The following UBE2W variants were observed in gnomAD, a reference collection of about 807,000 sequenced individuals.
UBE2W encodes the protein ubiquitin-conjugating enzyme E2 W.
Under a neutral mutation model 27.2 loss-of-function variants are expected in UBE2W, and 18 were observed. That is an observed-to-expected ratio of 0.66 (90% CI 0.46 to 0.98). UBE2W has a LOEUF of 0.98. Ranked by LOEUF, UBE2W falls within the 50% of genes least tolerant of loss-of-function variation. UBE2W has a pLI of 0.00. For missense variants in UBE2W, 90 were observed against 180.2 expected (o/e 0.50, Z 2.87); for synonymous variants, 53 against 57.2 (o/e 0.93, Z 0.33).
intron 1 of UBE2W, among the ~76,000 whole-genome samples, chr8:73,861,270 C>T (rs747935251): frequency 2.0e-5 from 3 of 152,098 alleles, no homozygotes; most frequent in African/African-American, 7.2e-5. Context: ...CAGGGGCCAG[C>T]GTCAAACAAC....
chr8:73,783,703 A>G (rs1168544369), downstream of UBE2W, among the ~76,000 whole-genome samples: 4 of 152,200 alleles, frequency 2.6e-5, no homozygotes, highest in African/African-American at 9.7e-5. Context: ...TAATTTGTCC[A>G]AAGTGCAAAT....
rs1808268724 is a variant in UBE2W at position 73,793,073 on chromosome 8, A to C, written c.*1029T>G. 1 of 985,592 alleles carries C rather than the reference A, an allele frequency of 1.0e-6. No homozygotes were observed. The highest frequency in any genetic ancestry group is 1.2e-6 in the Non-Finnish European group (1 of 829,774). 61.1% of individuals were successfully genotyped at this position (985,592 alleles called of 1,614,324 possible). The stretch of plus-strand genomic sequence containing the variant: ...CAAGAAAAAACTTAACAAAAGTTTC[A>C]ATAAAAGTATTGTAACATTCAAACT... On this transcript the variant is annotated 3_prime_UTR_variant, in exon 6 of 6. Transcript: ENST00000602593.
intron 5 of UBE2W, among the ~76,000 whole-genome samples, chr8:73,797,768 T>C (rs770545729): frequency 6.6e-6 from 1 of 152,246 alleles, no homozygotes; most frequent in Non-Finnish European, 1.5e-5. Context: ...CAGACTCATT[T>C]TGTTGGATAT....
At chr8:73,803,813 C>T (rs1243770250) in intron 5 of UBE2W, among the ~76,000 whole-genome samples, 1 of 149,828 alleles carries the variant, frequency 6.7e-6, no homozygotes, top group Non-Finnish European at 1.5e-5. Context: ...GTCGCCCAGG[C>T]TGGAGTGCAG....
chr8:73,789,941 G>T lies in UBE2W; in HGVS notation c.*4161C>A, dbSNP rs1162645948. The T allele has an allele frequency of 1.0e-6, 1 of 983,720 alleles. No homozygotes were observed. Among genetic ancestry groups the T allele is most frequent in the Non-Finnish European group, 1.2e-6 (1 of 828,588 alleles). 60.9% of individuals were successfully genotyped at this position (983,720 alleles called of 1,614,324 possible). A position where few individuals can be genotyped will look rare whatever the true frequency, so the allele number is the denominator to read the frequency against. On this transcript the variant is annotated 3_prime_UTR_variant, in exon 6 of 6. Transcript: ENST00000602593. The stretch of plus-strand genomic sequence containing the variant: ...AATAATTTGCTTGGACAATAATTTG[G>T]CTTTGGGAGAGTCCTCATCCGAAAA...
In UBE2W at chr8:73,842,807, T is replaced by C. The variant is rs563796991; in HGVS notation, c.16-12335A>G. Among the ~76,000 whole-genome samples, 18 of 152,238 alleles carry C rather than the reference T, an allele frequency of 1.2e-4. No individual in the cohort carries two copies. The South Asian group carries it at 1.2e-3, about 11-fold the overall frequency. On this transcript the variant is annotated intron_variant, in intron 1 of 5. Coordinates refer to ENST00000602593, the MANE Select transcript of UBE2W (RefSeq NM_018299.6). ...ATATTATTTGGCTGTTTTACAAAAA[T>C]GTAGAAGTGTATTTTTTGTATAATT...
chr8:73,829,533 A>G (rs942233706), intron 2 of UBE2W, among the ~76,000 whole-genome samples: 1 of 151,936 alleles, frequency 6.6e-6, no homozygotes, highest in African/African-American at 2.4e-5. Context: ...GAACTCAACA[A>G]TATTTTTAAG....
rs78140680 is a variant in UBE2W at position 73,838,179 on chromosome 8, G to A, written c.16-7707C>T. Among the ~76,000 whole-genome samples, 652 of 152,126 alleles carry A rather than the reference G, an allele frequency of 4.3e-3. 6 individuals are homozygous for A. Among genetic ancestry groups the A allele is most frequent in the African/African-American group, 0.015 (624 of 41,496 alleles). On this transcript the variant is annotated intron_variant, in intron 1 of 5. Transcript: ENST00000602593. ...GATTACATACTTTCAGAACTGGCTC[G>A]GCTTTTCAGTGATTTTATAGTCCAG... is the stretch of plus-strand genomic sequence containing the variant.
At chr8:73,821,236 A>G (rs1249885232) in intron 3 of UBE2W, among the ~76,000 whole-genome samples, 1 of 152,136 alleles carries the variant, frequency 6.6e-6, no homozygotes, top group East Asian at 1.9e-4. Flanking sequence ...ACAAGTTTCA[A>G]TTTCTTCACA....
rs551803933 is a variant in UBE2W at position 73,830,098 on chromosome 8, A to C, written c.107+283T>G. ...CAGTTCTTTAATATTATAGATGAGA[A>C]TCACTTCATAAACAAAGTCAGTGCT... On this transcript the variant is annotated intron_variant, in intron 2 of 5. Transcript: ENST00000602593. Among the ~76,000 whole-genome samples, 10 of 152,322 alleles carry C rather than the reference A, an allele frequency of 6.6e-5. No homozygotes were observed. In the South Asian group the frequency reaches 2.1e-3, roughly 32 times the overall value.
chr8:73,791,975 C>T lies in UBE2W; in HGVS notation c.*2127G>A. ...TAATCTTTGACTCAGTATATTAATT[C>T]CTTTGGTGAATAAATGTCACCGGTC... On this transcript the variant is annotated 3_prime_UTR_variant, in exon 6 of 6. Transcript: ENST00000602593. The T allele has an allele frequency of 1.0e-6, 1 of 985,132 alleles. No individual in the cohort carries two copies. Among genetic ancestry groups the T allele is most frequent in the Non-Finnish European group, 1.2e-6 (1 of 829,752 alleles). The allele number at this position is 985,132 out of a possible 1,614,324, so 61.0% of individuals were successfully genotyped here. A position where few individuals can be genotyped will look rare whatever the true frequency, so the allele number is the denominator to read the frequency against.
intron 5 of UBE2W, among the ~76,000 whole-genome samples, chr8:73,804,624 G>C (rs184307270): frequency 1.3e-5 from 2 of 151,606 alleles, no homozygotes; most frequent in East Asian, 1.9e-4. Context: ...CCCTTACTGT[G>C]ACTCCCGCCT....
intron 4 of UBE2W, among the ~76,000 whole-genome samples, chr8:73,780,955 T>G (rs1261570045): frequency 6.6e-6 from 1 of 152,172 alleles, no homozygotes; most frequent in Non-Finnish European, 1.5e-5. Flanking sequence ...TATTCATTGA[T>G]TAGGCTTTTG....
intron 3 of UBE2W, among the ~76,000 whole-genome samples, chr8:73,816,864 T>C (rs1809409081): frequency 6.6e-6 from 1 of 152,002 alleles, no homozygotes; most frequent in Non-Finnish European, 1.5e-5. Flanking sequence ...CAAAACCTTG[T>C]CTCTAACAAA....
intron 1 of UBE2W, among the ~76,000 whole-genome samples, chr8:73,864,594 C>G (rs1308405581): frequency 2.6e-5 from 4 of 152,080 alleles, no homozygotes; most frequent in Non-Finnish European, 4.4e-5. Flanking sequence ...CTTTTTGAGA[C>G]AGAGTCTCGC....
rs1253059730 is a variant in UBE2W at position 73,825,128 on chromosome 8, T to A, written c.210+19A>T. The A allele has an allele frequency of 1.5e-4, 216 of 1,434,472 alleles. No individual in the cohort carries two copies. Among genetic ancestry groups the A allele is most frequent in the South Asian group, 2.0e-4 (15 of 73,306 alleles). 88.9% of individuals were successfully genotyped at this position (1,434,472 alleles called of 1,614,324 possible). A position where few individuals can be genotyped will look rare whatever the true frequency, so the allele number is the denominator to read the frequency against. On this transcript the variant is annotated intron_variant, in intron 3 of 5. Transcript: ENST00000602593. ...CTATCTAAAAATACAAAAAAAAAAA[T>A]TTAAAGCAAGGCAATTACCTGAGGA... is the stretch of plus-strand genomic sequence containing the variant.
chr8:73,801,735 G>A (rs1808654636), intron 5 of UBE2W, among the ~76,000 whole-genome samples: 1 of 152,022 alleles, frequency 6.6e-6, no homozygotes, highest in South Asian at 2.1e-4. Context: ...CTTAGTGTTT[G>A]GTCCTAAAAG....
chr8:73,822,335 G>A (rs1476046855), intron 3 of UBE2W, among the ~76,000 whole-genome samples: 1 of 152,040 alleles, frequency 6.6e-6, no homozygotes, highest in East Asian at 1.9e-4. Flanking sequence ...AGCCTAGCTG[G>A]GAAGGTGACC....
intron 1 of UBE2W, among the ~76,000 whole-genome samples, chr8:73,838,742 T>G (rs539011915): frequency 1.3e-5 from 2 of 152,350 alleles, no homozygotes; most frequent in Admixed American, 1.3e-4. Context: ...GAGATTAATA[T>G]ACCCACTTCT....
Sources: allele counts gnomAD v4.1 joint callset (sites outside exome capture counted in the v4.1 genomes callset), GRCh38; gene constraint gnomAD v4.1.1; transcripts MANE v1.5; gene names NCBI Gene and HGNC (gene_info 2026-07-23, HGNC 2026-07-21).